PTPRT: variants seen among roughly 807,000 people sequenced by gnomAD.
The protein encoded by PTPRT is protein tyrosine phosphatase receptor type T, also known as receptor-type tyrosine-protein phosphatase T.
A neutral mutation model predicts 176.8 loss-of-function variants in PTPRT; 56 were observed. The ratio of observed to expected loss-of-function variants is 0.32; its 90% CI spans 0.26 to 0.40. The LOEUF (loss-of-function observed/expected upper bound fraction) is 0.40, where lower values mean the gene tolerates loss of function less well. Among genes scored for constraint, PTPRT ranks in the 10% least tolerant of loss-of-function variants. The pLI is 1.00. For synonymous variants in PTPRT, 783 were observed against 739.0 expected (o/e 1.06, Z -0.96); for missense variants, 1,540 against 1,908.2 (o/e 0.81, Z 3.60).
At position 42,324,057 on chromosome 20, in the gene PTPRT, T is replaced by C. The variant is rs77036940; in HGVS notation, c.1866-8061A>G. On this transcript the variant is annotated intron_variant, in intron 11 of 30. Coordinates refer to ENST00000373187, the MANE Select transcript of PTPRT (RefSeq NM_007050.6). Reference sequence around the variant, plus strand: ...AAATAAGACATTTCCACACAAAAACTTGAATTAAACTGTTCATAGAAGCAT... The same window carrying C: ...AAATAAGACATTTCCACACAAAAACCTGAATTAAACTGTTCATAGAAGCAT... Among the ~76,000 whole-genome samples the C allele has an allele frequency of 5.6e-3, 847 of 152,274 alleles. 7 individuals carry two copies. The highest frequency in any genetic ancestry group is 0.017 in the Middle Eastern group (5 of 294).
chr20:42,201,062 C>T (rs529334501), intron 15 of PTPRT, among the ~76,000 whole-genome samples: 51 of 152,324 alleles, frequency 3.3e-4, no homozygotes, highest in African/African-American at 1.2e-3. Flanking sequence ...TGCCTGTAAT[C>T]CCAGCACGCT....
At chr20:42,602,431 C>T (rs1426319411) in intron 7 of PTPRT, among the ~76,000 whole-genome samples, 2 of 152,028 alleles carry the variant, frequency 1.3e-5, no homozygotes, top group Non-Finnish European at 2.9e-5. Flanking sequence ...GTAATAAACG[C>T]CTATTTGATA....
chr20:42,760,990 C>T (rs1319521354), intron 5 of PTPRT, among the ~76,000 whole-genome samples: 1 of 152,062 alleles, frequency 6.6e-6, no homozygotes, highest in Non-Finnish European at 1.5e-5. Flanking sequence ...AAAACATAAA[C>T]ACTAAGTCGA....
intron 7 of PTPRT, among the ~76,000 whole-genome samples, chr20:42,561,874 C>A (rs913492342): frequency 6.6e-6 from 1 of 152,160 alleles, no homozygotes; most frequent in Non-Finnish European, 1.5e-5. Flanking sequence ...TTGACTGTAA[C>A]CCTCATACTG....
chr20:42,920,446 G>A (rs1979071535), intron 1 of PTPRT, among the ~76,000 whole-genome samples: 1 of 152,136 alleles, frequency 6.6e-6, no homozygotes, highest in African/African-American at 2.4e-5. Context: ...GGAAGAGAGG[G>A]AGAGAAGGAA....
At chr20:43,180,297 G>A (rs766246151) in intron 1 of PTPRT, among the ~76,000 whole-genome samples, 8 of 144,794 alleles carry the variant, frequency 5.5e-5, no homozygotes, top group Middle Eastern at 3.8e-3. Context: ...GGGACTTCTC[G>A]GCCTCTAAAC....
intron 7 of PTPRT, among the ~76,000 whole-genome samples, chr20:42,587,927 A>C (rs1209474826): frequency 6.6e-6 from 1 of 152,176 alleles, no homozygotes; most frequent in Non-Finnish European, 1.5e-5. Context: ...CCTTCTGAAG[A>C]AACCATTTAT....
intron 9 of PTPRT, among the ~76,000 whole-genome samples, chr20:42,369,077 C>T (rs1366872988): frequency 6.6e-6 from 1 of 150,506 alleles, no homozygotes; most frequent in Non-Finnish European, 1.5e-5. Flanking sequence ...TCTTTCTCTC[C>T]TTCCCTCCTT....
At chr20:42,420,958 G>C (rs897043993) in intron 9 of PTPRT, among the ~76,000 whole-genome samples, 1 of 152,120 alleles carries the variant, frequency 6.6e-6, no homozygotes, top group African/African-American at 2.4e-5. Flanking sequence ...GGTGACAGGG[G>C]ATTTCACCAC....
chr20:42,691,306 A>G lies in PTPRT; in HGVS notation c.860-13147T>C, dbSNP rs562859098. On this transcript the variant is annotated intron_variant, in intron 6 of 30. Transcript: ENST00000373187. ...ATGCAATTCAGGGCAACCTGAGTCCAGGAAGCTTCGTCAGTTGCTACGCTA... is the reference window on the plus strand; with the variant it reads ...ATGCAATTCAGGGCAACCTGAGTCCGGGAAGCTTCGTCAGTTGCTACGCTA... 3.3e-5 allele frequency among the ~76,000 whole-genome samples: 5 copies of G among 152,376 alleles called. No individual in the cohort carries two copies. In the South Asian group the frequency reaches 1.0e-3, roughly 32 times the overall value.
chr20:42,797,912 C>T (rs547344170), intron 2 of PTPRT, among the ~76,000 whole-genome samples: 225 of 152,206 alleles, frequency 1.5e-3, no homozygotes, highest in African/African-American at 5.1e-3. Flanking sequence ...CAAACTCTAC[C>T]CTAGAGCCTC....
At chr20:42,217,644 T>C (rs1344828102) in intron 15 of PTPRT, among the ~76,000 whole-genome samples, 1 of 152,148 alleles carries the variant, frequency 6.6e-6, no homozygotes, top group Non-Finnish European at 1.5e-5. Context: ...CAGATAATTA[T>C]TTGCTACGTA....
intron 13 of PTPRT, among the ~76,000 whole-genome samples, chr20:42,280,599 C>T (rs1265762416): frequency 6.6e-6 from 1 of 152,170 alleles, no homozygotes; most frequent in Non-Finnish European, 1.5e-5. Flanking sequence ...CATACACACT[C>T]CATTCACTTA....
At chr20:43,114,631 A>C (rs1416380555) in intron 1 of PTPRT, among the ~76,000 whole-genome samples, 1 of 152,200 alleles carries the variant, frequency 6.6e-6, no homozygotes, top group African/African-American at 2.4e-5. Flanking sequence ...AAAAGCTAGA[A>C]GCTCATATTA....
At chr20:42,856,905 G>A (rs2078573301) in intron 2 of PTPRT, among the ~76,000 whole-genome samples, 1 of 152,156 alleles carries the variant, frequency 6.6e-6, no homozygotes, top group African/African-American at 2.4e-5. Flanking sequence ...GAAAATGGAA[G>A]ATGGAAGCAA....
rs1371933188 is a variant in PTPRT at position 42,079,492 on chromosome 20, C to G, written c.*1387G>C. 4.5e-6 allele frequency: 1 copy of G among 221,994 alleles called. No homozygotes were observed. Among genetic ancestry groups the G allele is most frequent in the African/African-American group, 2.2e-5 (1 of 44,694 alleles). 13.8% of individuals were successfully genotyped at this position (221,994 alleles called of 1,614,324 possible). A position where few individuals can be genotyped will look rare whatever the true frequency, so the allele number is the denominator to read the frequency against. Reference sequence around the variant, plus strand: ...AATGGAGATGATAACAAGTCAGTAGCTCTCTCCTGGGGGTTCTAAGGACTG... The same window carrying G: ...AATGGAGATGATAACAAGTCAGTAGGTCTCTCCTGGGGGTTCTAAGGACTG... On this transcript the variant is annotated 3_prime_UTR_variant, in exon 31 of 31. Transcript: ENST00000373187.
chr20:43,101,788 T>C (rs2012399483), intron 1 of PTPRT, among the ~76,000 whole-genome samples: 1 of 152,116 alleles, frequency 6.6e-6, no homozygotes, highest in Admixed American at 6.6e-5. Flanking sequence ...CCCACAGTCA[T>C]GGGAGTAGGG....
intron 1 of PTPRT, among the ~76,000 whole-genome samples, chr20:42,993,251 T>C (rs548039522): frequency 4.3e-4 from 65 of 151,276 alleles, no homozygotes; most frequent in African/African-American, 1.6e-3. Context: ...ACCCTGTCTC[T>C]ACTAAAAATA....
rs114627839 is a variant in PTPRT, at chr20:42,793,684, C to T, written c.215-2218G>A. 1.3e-3 allele frequency among the ~76,000 whole-genome samples: 202 copies of T among 152,166 alleles called. 1 individual carries two copies. The highest frequency in any genetic ancestry group is 4.7e-3 in the African/African-American group (194 of 41,494). On this transcript the variant is annotated intron_variant, in intron 2 of 30. Transcript: ENST00000373187. The stretch of plus-strand genomic sequence containing the variant: ...AGAAGTTATTGAATTATCATAAACT[C>T]GCAAGGGGGCAGCTAAAAAGGAGCA...
Sources: allele counts gnomAD v4.1 joint callset (sites outside exome capture counted in the v4.1 genomes callset), GRCh38; gene constraint gnomAD v4.1.1; transcripts MANE v1.5; gene names NCBI Gene and HGNC (gene_info 2026-07-23, HGNC 2026-07-21).